Variants in CCSER1 observed in about 807,000 individuals in gnomAD.
CCSER1 encodes coiled-coil serine rich protein 1.
Under a neutral mutation model 82.0 loss-of-function variants are expected in CCSER1, and 41 were observed. The ratio of observed to expected loss-of-function variants is 0.50; its 90% CI spans 0.39 to 0.65. The LOEUF is 0.65. CCSER1 is among the 30% of genes least tolerant of loss of function. The pLI, the probability that CCSER1 is intolerant of heterozygous loss-of-function variation, is 0.00. For missense variants in CCSER1, 1,119 were observed against 1,064.2 expected (o/e 1.05, Z -0.72); for synonymous variants, 414 against 383.9 (o/e 1.08, Z -0.92).
At chr4:90,675,281 C>T (rs535539846) in intron 6 of CCSER1, among the ~76,000 whole-genome samples, 2 of 151,868 alleles carry the variant, frequency 1.3e-5, no homozygotes, top group Non-Finnish European at 2.9e-5. Flanking sequence ...AGGCTTATTT[C>T]AATCTAGAAA....
At chr4:91,283,863 CTT>C (rs1200938328) in intron 10 of CCSER1, among the ~76,000 whole-genome samples, 2 of 152,030 alleles carry the variant, frequency 1.3e-5, no homozygotes, top group African/African-American at 4.8e-5. Context: ...ATGTGAGTCT[CTT>C]AAATTCAGCT....
chr4:90,845,567 T>C (rs1763126385), intron 8 of CCSER1, among the ~76,000 whole-genome samples: 1 of 152,116 alleles, frequency 6.6e-6, no homozygotes, highest in Admixed American at 6.6e-5. Flanking sequence ...GTTAAAACTA[T>C]AGTGCCTGCT....
At chr4:90,486,458 T>C (rs1767071548) in intron 5 of CCSER1, among the ~76,000 whole-genome samples, 1 of 152,222 alleles carries the variant, frequency 6.6e-6, no homozygotes, top group Admixed American at 6.5e-5. Context: ...TGAAAACACA[T>C]TGTGGCAAGT....
chr4:91,538,391 A>C (rs1042233454), intron 10 of CCSER1, among the ~76,000 whole-genome samples: 1 of 151,962 alleles, frequency 6.6e-6, no homozygotes. Flanking sequence ...GTTATGAATA[A>C]GTTTGTTCTG....
intron 10 of CCSER1, among the ~76,000 whole-genome samples, chr4:91,534,345 G>A (rs554167628): frequency 2.0e-5 from 3 of 151,852 alleles, no homozygotes; most frequent in Middle Eastern, 3.2e-3. Context: ...AGTTATAATG[G>A]TTTTAAGTAT....
chr4:91,477,482 T>C (rs1485691568), intron 10 of CCSER1, among the ~76,000 whole-genome samples: 1 of 151,698 alleles, frequency 6.6e-6, no homozygotes, highest in Non-Finnish European at 1.5e-5. Context: ...AGCTCCAATT[T>C]TTTTTATTAA....
At chr4:90,437,917 A>T (rs1759273069) in intron 4 of CCSER1, among the ~76,000 whole-genome samples, 1 of 152,174 alleles carries the variant, frequency 6.6e-6, no homozygotes. Flanking sequence ...AGTTTTTATC[A>T]ACAATAGTTA....
intron 10 of CCSER1, among the ~76,000 whole-genome samples, chr4:91,457,562 T>G (rs1409843605): frequency 6.6e-6 from 1 of 152,066 alleles, no homozygotes. Context: ...CTCAGCTACT[T>G]GAGAGGGTGA....
chr4:91,156,196 T>A (rs1234351074), intron 10 of CCSER1, among the ~76,000 whole-genome samples: 1 of 151,786 alleles, frequency 6.6e-6, no homozygotes, highest in Non-Finnish European at 1.5e-5. Flanking sequence ...TCTACTATTG[T>A]ATGTACTTGA....
At chr4:91,379,354 G>A (rs1663914511) in intron 10 of CCSER1, among the ~76,000 whole-genome samples, 1 of 152,170 alleles carries the variant, frequency 6.6e-6, no homozygotes, top group Admixed American at 6.5e-5. Flanking sequence ...ACCTCTGGTA[G>A]AATTCGGCTG....
chr4:90,363,920 C>T (rs565704809), intron 3 of CCSER1, among the ~76,000 whole-genome samples: 4 of 152,026 alleles, frequency 2.6e-5, no homozygotes, highest in African/African-American at 9.6e-5. Context: ...AATATTTATG[C>T]TTTTGTGGTA....
rs1722032806 is a variant in CCSER1, at chr4:90,127,808, TAAC to T, written c.-62_-60del. ...ATCCCTGAGTGCCCGGGAGGAGCCT[TAAC>T]AAGCGCACGGAGCCCTCAAGGTAGT... On this transcript the variant is annotated 5_prime_UTR_variant, in exon 1 of 11. Coordinates refer to ENST00000509176, the MANE Select transcript of CCSER1 (RefSeq NM_001145065.2). The T allele has an allele frequency of 6.6e-6, 1 of 152,212 alleles. No homozygotes were observed. The highest frequency in any genetic ancestry group is 1.5e-5 in the Non-Finnish European group (1 of 68,082). The allele number at this position is 152,212 out of a possible 1,614,324, so 9.4% of individuals were successfully genotyped here.
intron 7 of CCSER1, among the ~76,000 whole-genome samples, chr4:90,788,211 C>T (rs1754776971): frequency 1.3e-5 from 2 of 152,070 alleles, no homozygotes; most frequent in African/African-American, 2.4e-5. Context: ...TACATCCATT[C>T]TTCTTTTTCT....
chr4:91,562,894 G>A (rs961212428), intron 10 of CCSER1, among the ~76,000 whole-genome samples: 1 of 151,584 alleles, frequency 6.6e-6, no homozygotes, highest in Non-Finnish European at 1.5e-5. Context: ...AGACGTTTGA[G>A]AGTCTAACAA....
At chr4:90,421,758 G>A (rs527444301) in intron 4 of CCSER1, among the ~76,000 whole-genome samples, 2 of 152,276 alleles carry the variant, frequency 1.3e-5, no homozygotes. Context: ...CGGAAACAGT[G>A]AGGGGAGGAT....
At chr4:90,995,615 CAT>C (rs1184206866) in intron 9 of CCSER1, among the ~76,000 whole-genome samples, 1 of 152,020 alleles carries the variant, frequency 6.6e-6, no homozygotes, top group Admixed American at 6.6e-5. Context: ...ACATTTAAAA[CAT>C]AGTTATTATT....
chr4:91,149,334 T>C (rs1243049297), intron 10 of CCSER1, among the ~76,000 whole-genome samples: 1 of 152,228 alleles, frequency 6.6e-6, no homozygotes, highest in African/African-American at 2.4e-5. Context: ...GGGTTGATTT[T>C]TTCTCATAAA....
intron 5 of CCSER1, among the ~76,000 whole-genome samples, chr4:90,604,009 C>T (rs753773080): frequency 6.6e-6 from 1 of 152,026 alleles, no homozygotes; most frequent in Non-Finnish European, 1.5e-5. Context: ...AGAAGAAATA[C>T]AGGATTGAAT....
chr4:90,769,008 C>T (rs1232596801), intron 7 of CCSER1, among the ~76,000 whole-genome samples: 1 of 151,886 alleles, frequency 6.6e-6, no homozygotes, highest in East Asian at 1.9e-4. Flanking sequence ...AAATGTAGTC[C>T]AAAAATGAAA....
Sources: gnomAD v4.1 joint callset for allele counts (sites outside exome capture counted in the v4.1 genomes callset) on GRCh38, gnomAD v4.1.1 for gene constraint, MANE v1.5 for transcripts, NCBI Gene and HGNC (gene_info 2026-07-23, HGNC 2026-07-21) for gene names.